Variants in UQCC1 observed in about 807,000 individuals in gnomAD.
UQCC1 encodes the protein bFGF-repressed Zic-binding protein.
A neutral mutation model predicts 48.0 loss-of-function variants in UQCC1; 38 were observed. The ratio of observed to expected loss-of-function variants is 0.79; its 90% CI spans 0.61 to 1.04. UQCC1 has a LOEUF of 1.04. Among genes scored for constraint, UQCC1 ranks in the 50% least tolerant of loss-of-function variants. The pLI, the probability that UQCC1 is intolerant of heterozygous loss-of-function variation, is 0.00. For synonymous variants in UQCC1, 111 were observed against 129.2 expected (o/e 0.86, Z 0.95); for missense variants, 368 against 381.8 (o/e 0.96, Z 0.30).
At chr20:35,307,148 T>C in intron 8 of UQCC1, 2 of 339,106 alleles carry the variant, frequency 5.9e-6, no homozygotes, top group South Asian at 2.6e-5. Context: ...GCAGCAATGC[T>C]CCCCCTGCTG....
chr20:35,379,172 C>A (rs2146474942), intron 4 of UQCC1, among the ~76,000 whole-genome samples: 1 of 152,266 alleles, frequency 6.6e-6, no homozygotes, highest in African/African-American at 2.4e-5. Flanking sequence ...AATGATGATT[C>A]CAAGATACTC....
intron 7 of UQCC1, among the ~76,000 whole-genome samples, chr20:35,333,808 C>T (rs2061285160): frequency 6.6e-6 from 1 of 151,552 alleles, no homozygotes; most frequent in Admixed American, 6.6e-5. Flanking sequence ...CTCTTGGCTG[C>T]AACGTTCTCT....
chr20:35,340,729 AACAAT>A (rs1458067634), intron 7 of UQCC1, among the ~76,000 whole-genome samples: 1 of 152,216 alleles, frequency 6.6e-6, no homozygotes, highest in African/African-American at 2.4e-5. Flanking sequence ...TGTCTTTAAA[AACAAT>A]ACCTTTGGCA....
At chr20:35,310,888 C>T (rs867061258) in intron 8 of UQCC1, among the ~76,000 whole-genome samples, 5 of 140,794 alleles carry the variant, frequency 3.6e-5, no homozygotes, top group Admixed American at 1.5e-4. Flanking sequence ...TCAGTAGAGA[C>T]GGGGTTTCAC....
chr20:35,330,811 C>G (rs574754556), intron 7 of UQCC1, among the ~76,000 whole-genome samples: 7 of 152,030 alleles, frequency 4.6e-5, no homozygotes, highest in African/African-American at 1.7e-4. Flanking sequence ...TTTTTTCAAG[C>G]AGGAAAGGCC....
chr20:35,364,663 A>G (rs911896633), intron 6 of UQCC1, among the ~76,000 whole-genome samples: 4 of 152,198 alleles, frequency 2.6e-5, no homozygotes, highest in African/African-American at 9.6e-5. Flanking sequence ...TCTCAATTGA[A>G]CTGGGGGTGG....
At chr20:35,390,401 G>A (rs144286950) in intron 2 of UQCC1, among the ~76,000 whole-genome samples, 153 of 144,726 alleles carry the variant, frequency 1.1e-3, no homozygotes, top group African/African-American at 3.6e-3. Context: ...CAGCCTGGGC[G>A]ACAGAGTGAA....
chr20:35,328,230 C>A lies in UQCC1; in HGVS notation c.574-13465G>T, dbSNP rs530355346. On this transcript the variant is annotated intron_variant, in intron 7 of 9. Transcript: ENST00000374385. ...TAAGTCCCAACTCAGACCTAGGAAA[C>A]GCACTGAAATCTAAGTAAATTTTGG... 2.2e-3 allele frequency among the ~76,000 whole-genome samples: 341 copies of A among 152,246 alleles called. 2 individuals are homozygous for A. The highest frequency in any genetic ancestry group is 3.4e-3 in the Middle Eastern group (1 of 294).
Position 35,365,755 on chromosome 20 carries a change from G to A in UQCC1, c.464+802C>T, listed in dbSNP as rs147211571. 6.6e-3 allele frequency among the ~76,000 whole-genome samples: 1,008 copies of A among 152,152 alleles called. 15 individuals carry two copies. The highest frequency in any genetic ancestry group is 0.023 in the African/African-American group (964 of 41,496). ...GTACAGAGGAAGAAACATTTCAGAG[G>A]TGATCAAAACCAAAAAGTATATAGT... is the stretch of plus-strand genomic sequence containing the variant. On this transcript the variant is annotated intron_variant, in intron 6 of 9. Transcript: ENST00000374385.
intron 6 of UQCC1, among the ~76,000 whole-genome samples, chr20:35,360,124 G>T (rs545300389): frequency 6.4e-4 from 98 of 152,204 alleles, no homozygotes; most frequent in Non-Finnish European, 1.0e-3. Flanking sequence ...TGCAATGCTG[G>T]TAAAATGCTG....
intron 5 of UQCC1, among the ~76,000 whole-genome samples, chr20:35,367,109 A>C (rs983854570): frequency 1.4e-5 from 2 of 147,868 alleles, no homozygotes; most frequent in African/African-American, 4.9e-5. Context: ...AAAAAAAAAA[A>C]CAAACAAAAA....
intron 8 of UQCC1, among the ~76,000 whole-genome samples, chr20:35,307,974 T>C (rs539684077): frequency 1.3e-5 from 2 of 152,334 alleles, no homozygotes; most frequent in South Asian, 4.1e-4. Context: ...CAAACAAGCC[T>C]AATAATACCT....
At chr20:35,321,068 G>A (rs1434277679) in intron 7 of UQCC1, among the ~76,000 whole-genome samples, 1 of 152,194 alleles carries the variant, frequency 6.6e-6, no homozygotes, top group Non-Finnish European at 1.5e-5. Context: ...TAAAGTTCAG[G>A]TTAGAAATTA....
At chr20:35,306,174 G>C (rs1050441234) in intron 9 of UQCC1, among the ~76,000 whole-genome samples, 1 of 152,160 alleles carries the variant, frequency 6.6e-6, no homozygotes, top group Non-Finnish European at 1.5e-5. Context: ...AAACTGAAGT[G>C]GGGGGACTCT....
intron 6 of UQCC1, among the ~76,000 whole-genome samples, chr20:35,365,728 G>A (rs1403254201): frequency 6.6e-6 from 1 of 151,198 alleles, no homozygotes. Context: ...GTAACTGTGT[G>A]AGTACAGAGG....
intron 1 of UQCC1, among the ~76,000 whole-genome samples, chr20:35,402,148 A>G (rs1568714168): frequency 6.6e-6 from 1 of 152,100 alleles, no homozygotes; most frequent in Non-Finnish European, 1.5e-5. Flanking sequence ...TCCTTCAAAA[A>G]TTACTGAATA....
At chr20:35,390,421 C>CA (rs200508947) in intron 2 of UQCC1, among the ~76,000 whole-genome samples, 8,475 of 69,308 alleles carry the variant, frequency 0.12, 375 homozygotes, top group South Asian at 0.3. Flanking sequence ...AACTCCGTCT[C>CA]AAAAAAAAAA....
chr20:35,410,555 T>C (rs1271627589), intron 1 of UQCC1, among the ~76,000 whole-genome samples: 2 of 140,810 alleles, frequency 1.4e-5, no homozygotes, highest in East Asian at 2.1e-4. Context: ...ATACAAAAAT[T>C]AGTCAGGTGT....
At chr20:35,325,857 A>AT (rs2061187092) in intron 7 of UQCC1, among the ~76,000 whole-genome samples, 1 of 152,136 alleles carries the variant, frequency 6.6e-6, no homozygotes, top group Non-Finnish European at 1.5e-5. Flanking sequence ...TTGTAAAAAA[A>AT]AAAACAAAAA....
Sources: gnomAD v4.1 joint callset for allele counts (sites outside exome capture counted in the v4.1 genomes callset) on GRCh38, gnomAD v4.1.1 for gene constraint, MANE v1.5 for transcripts, NCBI Gene and HGNC (gene_info 2026-07-23, HGNC 2026-07-21) for gene names.